Variants in MASP1 observed in about 807,000 individuals in gnomAD.
The protein encoded by MASP1 is MBL associated serine protease 1.
MASP1 carries 59 observed loss-of-function variants against 77.1 expected under a neutral mutation model. The ratio of observed to expected loss-of-function variants is 0.77; its 90% CI spans 0.62 to 0.95. MASP1 has a LOEUF of 0.95. Ranked by LOEUF, MASP1 falls within the 40% of genes least tolerant of loss-of-function variation. The pLI is 0.00. For synonymous variants in MASP1, 362 were observed against 354.5 expected (o/e 1.02, Z -0.24); for missense variants, 885 against 912.9 (o/e 0.97, Z 0.39).
downstream of MASP1, chr3:187,229,737 C>T: frequency 6.2e-7 from 1 of 1,613,472 alleles, no homozygotes; most frequent in Non-Finnish European, 8.5e-7. Context: ...CCTTAGCTTC[C>T]ACCCCTTCCA....
At chr3:187,273,779 C>T (rs929376190) in intron 2 of MASP1, among the ~76,000 whole-genome samples, 2 of 152,192 alleles carry the variant, frequency 1.3e-5, no homozygotes, top group Non-Finnish European at 2.9e-5. Flanking sequence ...GTGTGTGCTG[C>T]ACTTCAGAAA....
intron 2 of MASP1, among the ~76,000 whole-genome samples, chr3:187,266,529 A>T (rs937480013): frequency 4.6e-5 from 7 of 152,148 alleles, no homozygotes; most frequent in Admixed American, 2.6e-4. Context: ...ATAATCTTTG[A>T]GCTGGAGACT....
At chr3:187,220,497 T>TTC (rs1553850044) in intron 15 of MASP1, among the ~76,000 whole-genome samples, 1 of 79,156 alleles carries the variant, frequency 1.3e-5, no homozygotes, top group African/African-American at 8.1e-5. Context: ...TTTTTCTTTC[T>TTC]TTTTTTTTTT....
At chr3:187,274,423 C>A (rs190215265) in intron 2 of MASP1, among the ~76,000 whole-genome samples, 3 of 152,246 alleles carry the variant, frequency 2.0e-5, no homozygotes, top group Admixed American at 2.0e-4. Context: ...GAGACAACAT[C>A]AGGATGTTCT....
Position 187,236,094 on chromosome 3 carries a change from A to G in MASP1, c.1777T>C (p.Trp593Arg), listed in dbSNP as rs1406329504. ...APHMLGLVAG[W>R]GISNPNVTVD... ...GTCACATTGGGATTGGAGATGCCCC[A>G]GCCGGCCACCAGGCCCAGCATGTGG... is the stretch of plus-strand genomic sequence containing the variant. Residue 593 changes from tryptophan (W) to arginine (R), a missense_variant, in exon 11 of 11, where the codon TGG becomes CGG. Transcript: ENST00000296280. 1 of 1,614,004 alleles carries G rather than the reference A, an allele frequency of 6.2e-7. No homozygotes were observed.
At chr3:187,225,501 A>T (rs967257287) in exon 13 of MASP1, 12 of 1,614,042 alleles carry the variant, frequency 7.4e-6, no homozygotes, top group Non-Finnish European at 1.0e-5. Flanking sequence ...CGGAGCCTCC[A>T]ATGCTTGCCT....
Position 187,247,365 on chromosome 3 carries a change from T to C in MASP1, c.1090+2886A>G, listed in dbSNP as rs775589859. The C allele has an allele frequency of 3.7e-6, 6 of 1,613,766 alleles. No individual in the cohort carries two copies. In the African/African-American group the frequency reaches 6.7e-5, roughly 18 times the overall value. On this transcript the variant is annotated intron_variant, in intron 8 of 10. Transcript: ENST00000296280. Reference sequence around the variant, plus strand: ...GTCACTTGCTCTGACTTGAGTTCGCTCTCCAGATCGATTTCATTTTCTGCC... The same window carrying C: ...GTCACTTGCTCTGACTTGAGTTCGCCCTCCAGATCGATTTCATTTTCTGCC...
At chr3:187,239,323 G>A (rs776543266) in intron 10 of MASP1, among the ~76,000 whole-genome samples, 2 of 152,124 alleles carry the variant, frequency 1.3e-5, no homozygotes, top group Non-Finnish European at 2.9e-5. Flanking sequence ...ATTGCACGCA[G>A]CCTGGGCAAC....
chr3:187,259,080 C>T (rs1458305867), intron 4 of MASP1, among the ~76,000 whole-genome samples: 3 of 152,196 alleles, frequency 2.0e-5, no homozygotes, highest in African/African-American at 7.2e-5. Flanking sequence ...ATTTACTGCA[C>T]GCGAGAATCC....
At chr3:187,273,517 G>A (rs2193588) in intron 2 of MASP1, among the ~76,000 whole-genome samples, 32,591 of 152,130 alleles carry the variant, frequency 0.21, 4,357 homozygotes, top group Admixed American at 0.35. Context: ...TGCGTGAGCC[G>A]TAGGCCAATG....
exon 16 of MASP1, chr3:187,217,832 C>T (rs1711849319): frequency 6.6e-6 from 1 of 151,778 alleles, no homozygotes; most frequent in Admixed American, 6.6e-5. Flanking sequence ...GAGAAATAAA[C>T]AGAATAAGCT....
intron 1 of MASP1, among the ~76,000 whole-genome samples, chr3:187,290,048 G>A (rs1579603292): frequency 6.6e-6 from 1 of 152,178 alleles, no homozygotes; most frequent in South Asian, 2.1e-4. Flanking sequence ...GGTATTGAAT[G>A]GCTGGTAGGA....
rs1712379743 is a variant in MASP1, at chr3:187,225,597, C to A, written c.1556-88G>T. The A allele has an allele frequency of 2.9e-6, 4 of 1,375,326 alleles. No individual in the cohort carries two copies. In the East Asian group the frequency reaches 9.1e-5, roughly 31 times the overall value. 85.2% of individuals were successfully genotyped at this position (1,375,326 alleles called of 1,614,324 possible). ...CTGTCAGCCCCCGCCCCAGCCCCAT[C>A]CAGCCCTTGCTTCCAGCCTTAGCCC... On this transcript the variant is annotated intron_variant, in intron 12 of 15. Coordinates refer to the MASP1 transcript ENST00000337774.
intron 1 of MASP1, among the ~76,000 whole-genome samples, chr3:187,287,402 G>A (rs1402497786): frequency 6.6e-6 from 1 of 152,170 alleles, no homozygotes; most frequent in African/African-American, 2.4e-5. Flanking sequence ...CAGCTATGGA[G>A]TATCCTTTCA....
Position 187,260,802 on chromosome 3 carries a change from G to T in MASP1, c.486C>A (p.Gly162=). The change falls in exon 4 of 11, where the codon GGC becomes GGA. Residue 162 remains glycine, a synonymous_variant. Coordinates refer to ENST00000296280, the MANE Select transcript of MASP1 (RefSeq NM_139125.4). ...CGAAGCGGCAGGAGCAGTAGTAGCC[G>T]CCAATGTAGTTGTGGCAGTAGTGGT... ...SCDHYCHNYI[G]GYYCSCRFGY... The T allele has an allele frequency of 6.2e-7, 1 of 1,614,152 alleles. No individual in the cohort carries two copies. The highest frequency in any genetic ancestry group is 8.5e-7 in the Non-Finnish European group (1 of 1,180,022).
At position 187,247,131 on chromosome 3, in the gene MASP1, G is replaced by A. The variant is rs1714153245; in HGVS notation, c.1090+3120C>T. The A allele has an allele frequency of 2.1e-6, 3 of 1,448,120 alleles. No individual in the cohort carries two copies. In the Admixed American group the frequency reaches 7.9e-5, roughly 38 times the overall value. The allele number at this position is 1,448,120 out of a possible 1,614,324, so 89.7% of individuals were successfully genotyped here. A position where few individuals can be genotyped will look rare whatever the true frequency, so the allele number is the denominator to read the frequency against. ...TTTTCTGGAATAGTGTTTGAATGAT[G>A]GGCAAACCCTCAAGTGGAGAATTTG... On this transcript the variant is annotated intron_variant, in intron 8 of 10. Transcript: ENST00000296280.
At chr3:187,234,026 A>C (rs1206204530), downstream of MASP1, 1 of 1,164,038 alleles carries the variant, frequency 8.6e-7, no homozygotes, top group African/African-American at 1.6e-5. Flanking sequence ...CTTTTCAAAA[A>C]AGTTAAAACA....
intron 13 of MASP1, among the ~76,000 whole-genome samples, chr3:187,224,386 G>A (rs370837323): frequency 2.0e-3 from 254 of 128,708 alleles, no homozygotes; most frequent in African/African-American, 6.6e-3. Context: ...TCGCTCTGTC[G>A]CCCAGGCTGG....
At chr3:187,289,061 C>T (rs72549278) in intron 1 of MASP1, among the ~76,000 whole-genome samples, 301 of 152,210 alleles carry the variant, frequency 2.0e-3, no homozygotes, top group African/African-American at 6.8e-3. Flanking sequence ...TTCTTGTATA[C>T]GAGGCACCGG....
Sources: gnomAD v4.1 joint callset for allele counts (sites outside exome capture counted in the v4.1 genomes callset) on GRCh38, gnomAD v4.1.1 for gene constraint, MANE v1.5 for transcripts, NCBI Gene and HGNC (gene_info 2026-07-23, HGNC 2026-07-21) for gene names.